Variants in MECOM observed in about 807,000 individuals in gnomAD.
MECOM encodes the protein histone-lysine N-methyltransferase MECOM.
In MECOM, 13 loss-of-function variants were observed where a neutral mutation model predicts 116.3. The observed-to-expected ratio is 0.11, with a 90% CI of 0.07 to 0.18. The LOEUF is 0.18. Ranked by LOEUF, MECOM falls within the 10% of genes least tolerant of loss-of-function variation. MECOM has a pLI of 1.00. For synonymous variants in MECOM, 528 were observed against 535.2 expected (o/e 0.99, Z 0.19); for missense variants, 1,299 against 1,509.0 (o/e 0.86, Z 2.31).
At chr3:169,264,415 G>A (rs138674542) in intron 2 of MECOM, among the ~76,000 whole-genome samples, 19 of 151,906 alleles carry the variant, frequency 1.3e-4, no homozygotes, top group African/African-American at 3.1e-4. Flanking sequence ...TTATTGTATC[G>A]GTATTTTAGT....
At chr3:169,160,590 C>T (rs897941955) in intron 2 of MECOM, among the ~76,000 whole-genome samples, 4 of 143,804 alleles carry the variant, frequency 2.8e-5, no homozygotes, top group Admixed American at 7.0e-5. Context: ...TTAAAATGTA[C>T]AATATATTAT....
chr3:169,298,787 G>A (rs564063715), intron 2 of MECOM, among the ~76,000 whole-genome samples: 190 of 152,226 alleles, frequency 1.2e-3, no homozygotes, highest in Non-Finnish European at 1.4e-3. Context: ...CTGTACGCAC[G>A]GGGAAGTGAT....
intron 1 of MECOM, among the ~76,000 whole-genome samples, chr3:169,499,111 CAT>C (rs1754202912): frequency 6.6e-6 from 1 of 151,084 alleles, no homozygotes; most frequent in Non-Finnish European, 1.5e-5. Context: ...TATAAATATC[CAT>C]ATGTTTATAT....
intron 6 of MECOM, among the ~76,000 whole-genome samples, 196 bp from the exon 7 acceptor site, chr3:169,121,405 T>C (rs762283771): frequency 2.6e-5 from 4 of 152,184 alleles, no homozygotes; most frequent in Admixed American, 6.5e-5. Flanking sequence ...CTGCTCTATA[T>C]CCTTAGCATG....
At chr3:169,149,933 CTCTGTGTGTGTG>C (rs1284132070) in intron 2 of MECOM, among the ~76,000 whole-genome samples, 1 of 116,092 alleles carries the variant, frequency 8.6e-6, no homozygotes, top group Non-Finnish European at 1.9e-5. Context: ...CTTTCTCTCT[CTCTGTGTGTGTG>C]TGTGTGTGTG....
chr3:169,593,174 C>A (rs1199758213), intron 1 of MECOM, among the ~76,000 whole-genome samples: 1 of 152,206 alleles, frequency 6.6e-6, no homozygotes, highest in East Asian at 1.9e-4. Flanking sequence ...TACAGGCCTG[C>A]AAGACTGCAC....
chr3:169,147,026 G>T, intron 2 of MECOM: 1 of 991,704 alleles, frequency 1.0e-6, no homozygotes, highest in Non-Finnish European at 1.2e-6. Flanking sequence ...GTCTTCTTTC[G>T]TCTGGGTGAC....
chr3:169,551,373 T>TA (rs201636185), intron 1 of MECOM, among the ~76,000 whole-genome samples: 2,733 of 145,670 alleles, frequency 0.019, 31 homozygotes, highest in Middle Eastern at 0.062. Context: ...ATCTACACTT[T>TA]AAAAAAAAAA....
chr3:169,246,068 A>G (rs1242073716), intron 2 of MECOM, among the ~76,000 whole-genome samples: 1 of 152,214 alleles, frequency 6.6e-6, no homozygotes, highest in African/African-American at 2.4e-5. Context: ...CATGCAATTA[A>G]AATATGATGT....
rs1380961098 is a variant in MECOM, at chr3:169,381,419, G to A, written c.143C>T (p.Ser48Phe). ...GAATGCTTCACTGGATGTGGCAGGAGAGCATGGCTCTTGAATATTGAGGGA... is the reference window on the plus strand; with the variant it reads ...GAATGCTTCACTGGATGTGGCAGGAAAGCATGGCTCTTGAATATTGAGGGA... The part of the protein sequence containing the change: ...TPSLNIQEPC[S>F]PATSSEAFTP... Residue 48 changes from serine (S) to phenylalanine (F), a missense_variant, in exon 2 of 17, where the codon TCT (serine) becomes TTT (phenylalanine). Transcript: ENST00000651503. 1.2e-6 allele frequency: 2 copies of A among 1,613,726 alleles called. No individual in the cohort carries two copies. The highest frequency in any genetic ancestry group is 2.2e-5 in the East Asian group (1 of 44,870).
intron 2 of MECOM, among the ~76,000 whole-genome samples, chr3:169,172,745 G>T (rs375738267): frequency 4.6e-5 from 7 of 152,102 alleles, no homozygotes; most frequent in African/African-American, 1.7e-4. Flanking sequence ...AACCCTCAGT[G>T]GGTCAGGGGG....
chr3:169,437,688 G>A (rs62294340), intron 1 of MECOM, among the ~76,000 whole-genome samples: 48,400 of 152,016 alleles, frequency 0.32, 7,982 homozygotes, highest in Non-Finnish European at 0.37. Context: ...AATGAAAAGC[G>A]TAGATTTATA....
At chr3:169,486,495 A>C (rs1455905707) in intron 1 of MECOM, among the ~76,000 whole-genome samples, 1 of 152,132 alleles carries the variant, frequency 6.6e-6, no homozygotes, top group African/African-American at 2.4e-5. Flanking sequence ...TAATATGATC[A>C]GAATCTCCTT....
At chr3:169,313,122 C>CA (rs1246088011) in intron 2 of MECOM, among the ~76,000 whole-genome samples, 1 of 151,442 alleles carries the variant, frequency 6.6e-6, no homozygotes, top group Non-Finnish European at 1.5e-5. Context: ...TAGAGTTTTT[C>CA]AAAAAAGAAA....
At chr3:169,434,037 C>T (rs912000817) in intron 1 of MECOM, among the ~76,000 whole-genome samples, 25 of 152,042 alleles carry the variant, frequency 1.6e-4, no homozygotes, top group Non-Finnish European at 2.6e-4. Flanking sequence ...AGTGTCAAAA[C>T]GTAATTGATA....
chr3:169,449,206 A>C (rs998029556), intron 1 of MECOM, among the ~76,000 whole-genome samples: 9 of 152,194 alleles, frequency 5.9e-5, no homozygotes, highest in Non-Finnish European at 1.2e-4. Flanking sequence ...TTAAGGTCTT[A>C]AGGTACTAAG....
At chr3:169,341,733 C>G (rs1283460893) in intron 2 of MECOM, among the ~76,000 whole-genome samples, 1 of 114,734 alleles carries the variant, frequency 8.7e-6, no homozygotes, top group African/African-American at 3.9e-5. Flanking sequence ...GAGTGAGACT[C>G]CCTCTCAAAA....
At chr3:169,150,858 G>A (rs1421632325) in intron 2 of MECOM, among the ~76,000 whole-genome samples, 2 of 152,122 alleles carry the variant, frequency 1.3e-5, no homozygotes, top group African/African-American at 4.8e-5. Context: ...GGGTGGGAGA[G>A]GTTAATGTGT....
Position 169,329,215 on chromosome 3 carries a change from G to GA in MECOM, c.375+51971dup, listed in dbSNP as rs555568433. Among the ~76,000 whole-genome samples the GA allele has an allele frequency of 6.6e-5, 10 of 151,814 alleles. No homozygotes were observed. The East Asian group carries it at 1.7e-3, about 26-fold the overall frequency. On this transcript the variant is annotated intron_variant, in intron 2 of 16. Transcript: ENST00000651503. ...ATTCATCTTATTACACTTGATTTGT[G>GA]AAAAAAAATTAATTACAATGCTACA...
Sources: gnomAD v4.1 joint callset for allele counts (sites outside exome capture counted in the v4.1 genomes callset) on GRCh38, gnomAD v4.1.1 for gene constraint, MANE v1.5 for transcripts, NCBI Gene and HGNC (gene_info 2026-07-23, HGNC 2026-07-21) for gene names.